The following APC2 variants were observed in gnomAD, a reference collection of about 807,000 sequenced individuals.
APC2 encodes the protein adenomatous polyposis coli protein 2.
Under a neutral mutation model 72.5 loss-of-function variants are expected in APC2, and 41 were observed. The observed-to-expected ratio is 0.57, with a 90% CI of 0.44 to 0.73. APC2 has a LOEUF of 0.73. Among genes scored for constraint, APC2 ranks in the 30% least tolerant of loss-of-function variants. The pLI, the probability that APC2 is intolerant of heterozygous loss-of-function variation, is 0.00. For missense variants in APC2, 3,729 were observed against 3,403.4 expected, an observed-to-expected ratio of 1.10 and a Z score of -2.38; for synonymous variants, 1,898 against 1,612.0, an observed-to-expected ratio of 1.18 and a Z score of -4.25.
At chr19:1,459,793 G>C (rs1420209837) in intron 10 of APC2, among the ~76,000 whole-genome samples, 1 of 152,202 alleles carries the variant, frequency 6.6e-6, no homozygotes, top group South Asian at 2.1e-4. Flanking sequence ...TGGGGATGCT[G>C]CTCTCCATCT....
intron 11 of APC2, 112 bp from the exon 12 acceptor site, chr19:1,460,668 A>G (rs1163325231): frequency 8.7e-7 from 1 of 1,151,640 alleles, no homozygotes; most frequent in Non-Finnish European, 1.2e-6. Context: ...AGTGGTCAGG[A>G]TCAGCAGGGG....
At chr19:1,458,333 G>A (rs1599141519) in intron 10 of APC2, 1 of 516,478 alleles carries the variant, frequency 1.9e-6, no homozygotes, top group East Asian at 3.4e-5. Context: ...TCAGAACAGG[G>A]AACGGACCAG....
At position 1,457,106 on chromosome 19, in the gene APC2, C is replaced by T. The variant is rs755223073; in HGVS notation, c.1070C>T (p.Ser357Leu). Residue 357 changes from serine to leucine, a missense_variant, in exon 9 of 15, where the codon TCG becomes TTG. Physicochemically the swap from Ser to Leu is moderately radical, Grantham distance 145. Coordinates refer to ENST00000590469, the MANE Select transcript of APC2 (RefSeq NM_005883.3). Reference protein sequence around the residue: ...ANAALHNIVFSQPDQGLARKE... With the variant: ...ANAALHNIVFLQPDQGLARKE... ...GCGGCGCTGCACAACATCGTCTTCT[C>T]GCAGCCGGACCAGGGCCTGGCGCGC... 3.2e-6 allele frequency: 5 copies of T among 1,582,698 alleles called. No homozygotes were observed. The highest frequency in any genetic ancestry group is 1.2e-5 in the South Asian group (1 of 86,944).
At chr19:1,448,751 G>A (rs2083709859), upstream of APC2, among the ~76,000 whole-genome samples, 1 of 151,368 alleles carries the variant, frequency 6.6e-6, no homozygotes, top group African/African-American at 2.4e-5. Context: ...GGCTGAGGCA[G>A]GAGAATGGCG....
At position 1,466,578 on chromosome 19, in the gene APC2, A is replaced by G; in HGVS notation, c.3277A>G (p.Ser1093Gly). 1 of 1,575,714 alleles carries G rather than the reference A, an allele frequency of 6.3e-7. No homozygotes were observed. Among genetic ancestry groups the G allele is most frequent in the Non-Finnish European group, 8.6e-7 (1 of 1,168,432 alleles). The stretch of plus-strand genomic sequence containing the variant: ...CAGCGAGGGTGGTGACCTGGATGAC[A>G]GTGACTCCTCCCTGGAGGGGCTGGA... ...GPSEGGDLDDSDSSLEGLEEA... is the reference protein window; with the variant it reads ...GPSEGGDLDDGDSSLEGLEEA... The change falls in exon 15 of 15, where the codon AGT becomes GGT. Residue 1093 changes from serine (S) to glycine (G), a missense_variant. By Grantham distance (56) the Ser-to-Gly change is moderately conservative. Coordinates refer to ENST00000590469, the MANE Select transcript of APC2 (RefSeq NM_005883.3).
In APC2 at chr19:1,466,238, G is replaced by C. The variant is rs773998780; in HGVS notation, c.2937G>C (p.Pro979=). The change falls in exon 15 of 15, where the codon CCG becomes CCC. Residue 979 remains proline, a synonymous_variant. Transcript: ENST00000590469. ...LDLPGCQAEP[P]AREATSADAR... is the part of the protein sequence containing the mutation. ...TGCCCGGCTGCCAGGCCGAGCCCCCGGCCCGCGAGGCCACCTCCGCCGACG... is the reference window on the plus strand; with the variant it reads ...TGCCCGGCTGCCAGGCCGAGCCCCCCGCCCGCGAGGCCACCTCCGCCGACG... 2.0e-6 allele frequency: 3 copies of C among 1,534,380 alleles called. No individual in the cohort carries two copies. The highest frequency in any genetic ancestry group is 2.6e-6 in the Non-Finnish European group (3 of 1,147,370).
Position 1,468,542 on chromosome 19 carries a change from T to A in APC2, c.5241T>A (p.Ser1747Arg), listed in dbSNP as rs1454834893. Residue 1747 changes from serine to arginine, a missense_variant, in exon 15 of 15, where the codon AGT becomes AGA. Coordinates refer to ENST00000590469, the MANE Select transcript of APC2 (RefSeq NM_005883.3). ...KGRQAEGEMG[S>R]ARRPEKRGAA... ...GACAGGCGGAGGGAGAAATGGGCAG[T>A]GCCCGGCGGCCAGAGAAAAGGGGCG... The A allele has an allele frequency of 5.0e-6, 8 of 1,598,900 alleles. No individual in the cohort carries two copies. Among genetic ancestry groups the A allele is most frequent in the Non-Finnish European group, 6.0e-6 (7 of 1,170,850 alleles).
At position 1,461,163 on chromosome 19, in the gene APC2, C is replaced by T. The variant is rs760213719; in HGVS notation, c.1638+10C>T. 5.6e-6 allele frequency: 9 copies of T among 1,603,170 alleles called. No homozygotes were observed. The highest frequency in any genetic ancestry group is 1.7e-5 in the Admixed American group (1 of 60,008). ...CCTGCGGGCCACCAAGGTGGGCACC[C>T]GGTGGGCGGCAGGGATGCTTCTTCA... is the stretch of plus-strand genomic sequence containing the variant. On this transcript the variant is annotated intron_variant, in intron 13 of 14. Coordinates refer to ENST00000590469, the MANE Select transcript of APC2 (RefSeq NM_005883.3).
chr19:1,457,884 C>T (rs1166580213), intron 9 of APC2, 81 bp from the exon 10 acceptor site: 5 of 1,075,372 alleles, frequency 4.6e-6, no homozygotes, highest in South Asian at 2.8e-5. Context: ...AGGCCTGGGG[C>T]GGGCGGGTTG....
rs1459368993 is a variant in APC2, at chr19:1,455,221, G to C, written c.486G>C (p.Leu162=). 1.9e-6 allele frequency: 3 copies of C among 1,582,986 alleles called. No homozygotes were observed. The highest frequency in any genetic ancestry group is 2.6e-6 in the Non-Finnish European group (3 of 1,170,406). Residue 162 remains leucine, a synonymous_variant, in exon 5 of 15, where the codon CTG becomes CTC. Coordinates refer to ENST00000590469, the MANE Select transcript of APC2 (RefSeq NM_005883.3). Reference sequence around the variant, plus strand: ...GGTACTACTCTCAGCTGCAGGGCCTGTCCAAGCGCCTGGACGAGCTGCCGC... The same window carrying C: ...GGTACTACTCTCAGCTGCAGGGCCTCTCCAAGCGCCTGGACGAGCTGCCGC... ...KLWYYSQLQG[L]SKRLDELPHV... is the part of the protein sequence containing the mutation.
intron 10 of APC2, among the ~76,000 whole-genome samples, chr19:1,458,988 T>C (rs1298424458): frequency 2.0e-5 from 3 of 151,122 alleles, no homozygotes; most frequent in Non-Finnish European, 4.4e-5. Flanking sequence ...CCGGCCACTT[T>C]ACATCTTCAA....
chr19:1,467,697 G>A lies in APC2; in HGVS notation c.4396G>A (p.Glu1466Lys), dbSNP rs906307728. 7 of 1,460,526 alleles carry A rather than the reference G, an allele frequency of 4.8e-6. No individual in the cohort carries two copies. In the African/African-American group the frequency reaches 7.4e-5, roughly 15 times the overall value. 90.5% of individuals were successfully genotyped at this position (1,460,526 alleles called of 1,614,324 possible). The change falls in exon 15 of 15, where the codon GAG becomes AAG. Residue 1466 changes from glutamate to lysine, a missense_variant. By Grantham distance (56) the Glu-to-Lys change is moderately conservative (BLOSUM62 1). Transcript: ENST00000590469. Reference sequence around the variant, plus strand: ...CGCGGGCAAGAACAGAGCAGGGCTGGAGCTGCCCCTGGGCCGGCCCCCGAG... The same window carrying A: ...CGCGGGCAAGAACAGAGCAGGGCTGAAGCTGCCCCTGGGCCGGCCCCCGAG... ...RGAGKNRAGL[E>K]LPLGRPPSAP...
intron 13 of APC2, chr19:1,461,530 G>C: frequency 2.8e-6 from 1 of 361,350 alleles, no homozygotes; most frequent in Non-Finnish European, 5.2e-6. Flanking sequence ...TCCAGCCTGG[G>C]CCACAGAGCA....
chr19:1,456,166 GC>G lies in APC2; in HGVS notation c.717+14del. 1 of 1,576,920 alleles carries G rather than the reference GC, an allele frequency of 6.3e-7. No individual in the cohort carries two copies. Among genetic ancestry groups the G allele is most frequent in the Non-Finnish European group, 8.6e-7 (1 of 1,164,138 alleles). On this transcript the variant is annotated intron_variant, in intron 7 of 14. Transcript: ENST00000590469. ...GACGGAGCCCCAGGTACCGGGTGGG[GC>G]AGAGCCAGGGACCAGGGGTGGTGTC...
Position 1,469,198 on chromosome 19 carries a change from GC to G in APC2, c.5898del (p.Gly1968AlafsTer28). 1 of 1,308,458 alleles carries G rather than the reference GC, an allele frequency of 7.6e-7. No homozygotes were observed. Among genetic ancestry groups the G allele is most frequent in the South Asian group, 1.9e-5 (1 of 53,618 alleles). 81.1% of individuals were successfully genotyped at this position (1,308,458 alleles called of 1,614,324 possible). On this transcript the variant is annotated frameshift_variant, in exon 15 of 15. Coordinates refer to ENST00000590469, the MANE Select transcript of APC2 (RefSeq NM_005883.3). LOFTEE classifies it low-confidence loss of function (END_TRUNC). ...GGGACCGAGGCGGGCCCGGGGGCGC[GC>G]GGGGGCCGCCTGGGCCTGGTGCGTG... ...RAGTEAGPGA[R>X]GGRLGLVRVA...
chr19:1,459,091 G>A (rs1393153391), intron 10 of APC2, among the ~76,000 whole-genome samples: 1 of 152,152 alleles, frequency 6.6e-6, no homozygotes, highest in Non-Finnish European at 1.5e-5. Flanking sequence ...ATCTGATGGA[G>A]CTAGGGACAT....
chr19:1,471,679 C>T lies in APC2; in HGVS notation c.*1466C>T, dbSNP rs1333918137. On this transcript the variant is annotated 3_prime_UTR_variant, in exon 15 of 15. Coordinates refer to ENST00000590469, the MANE Select transcript of APC2 (RefSeq NM_005883.3). ...ACACGCTCAATGCCCCACGTGCCTT[C>T]TCCAGGAGGAACGAAGCAGGGTTTG... is the stretch of plus-strand genomic sequence containing the variant. The T allele has an allele frequency of 6.6e-6, 1 of 152,304 alleles. No individual in the cohort carries two copies. Among genetic ancestry groups the T allele is most frequent in the African/African-American group, 2.4e-5 (1 of 41,466 alleles). The allele number at this position is 152,304 out of a possible 1,614,324, so 9.4% of individuals were successfully genotyped here. A position where few individuals can be genotyped will look rare whatever the true frequency, so the allele number is the denominator to read the frequency against.
rs2084031598 is a variant in APC2, at chr19:1,467,132, C to T, written c.3831C>T (p.Ser1277=). 12 of 1,584,608 alleles carry T rather than the reference C, an allele frequency of 7.6e-6. No individual in the cohort carries two copies. Among genetic ancestry groups the T allele is most frequent in the East Asian group, 2.2e-5 (1 of 44,502 alleles). The change falls in exon 15 of 15, where the codon AGC becomes AGT. Residue 1277 remains serine, a synonymous_variant. Transcript: ENST00000590469. ...ACGAGAACTTCTCGTGCGCCTCCAG[C>T]CTCAGCGCGCTGGCCTTGCACGAGC... ...KPDENFSCAS[S]LSALALHEHY...
Position 1,468,296 on chromosome 19 carries a change from C to T in APC2, c.4995C>T (p.Ser1665=). The change falls in exon 15 of 15, where the codon TCC becomes TCT. Residue 1665 remains serine, a synonymous_variant. Transcript: ENST00000590469. ...TGGATGAGCGGCCCGCAGAGGGGTC[C>T]CGGGAACGCGGCGAGGAGGCAGCGG... ...TRLDERPAEG[S]RERGEEAAGS... is the part of the protein sequence containing the mutation. 3 of 1,541,780 alleles carry T rather than the reference C, an allele frequency of 1.9e-6. No homozygotes were observed. The highest frequency in any genetic ancestry group is 1.2e-5 in the South Asian group (1 of 83,200).
Sources: allele counts gnomAD v4.1 joint callset (sites outside exome capture counted in the v4.1 genomes callset), GRCh38; gene constraint gnomAD v4.1.1; transcripts MANE v1.5; gene names NCBI Gene and HGNC (gene_info 2026-07-23, HGNC 2026-07-21).